Variants in KAZN observed in about 807,000 individuals in gnomAD.
KAZN encodes the protein kazrin.
In KAZN, 40 loss-of-function variants were observed where a neutral mutation model predicts 87.4. The observed-to-expected ratio is 0.46, with a 90% confidence interval of 0.36 to 0.60. The LOEUF is 0.60. Ranked by LOEUF, KAZN falls within the 20% of genes least tolerant of loss-of-function variation. The pLI, the probability that KAZN is intolerant of heterozygous loss-of-function variation, is 0.00. For missense variants in KAZN, 898 were observed against 1,073.9 expected (o/e 0.84, Z 2.29); for synonymous variants, 466 against 458.3 (o/e 1.02, Z -0.22).
At chr1:14,207,249 C>T (rs1276299465) in intron 2 of KAZN, among the ~76,000 whole-genome samples, 1 of 152,164 alleles carries the variant, frequency 6.6e-6, no homozygotes, top group African/African-American at 2.4e-5. Context: ...CAAGTGTGAG[C>T]CACCATGCCT....
chr1:14,627,824 A>G (rs1426453863), intron 1 of KAZN, among the ~76,000 whole-genome samples: 1 of 152,158 alleles, frequency 6.6e-6, no homozygotes, highest in East Asian at 1.9e-4. Flanking sequence ...TTGTGCAAGG[A>G]GCACCCAGTT....
At chr1:14,974,262 A>G (rs574720850) in intron 2 of KAZN, among the ~76,000 whole-genome samples, 1 of 152,180 alleles carries the variant, frequency 6.6e-6, no homozygotes, top group African/African-American at 2.4e-5. Context: ...GTGACAGGCC[A>G]GCCAGACCCC....
At chr1:14,121,456 G>A (rs1232317288) in intron 1 of KAZN, among the ~76,000 whole-genome samples, 1 of 152,158 alleles carries the variant, frequency 6.6e-6, no homozygotes, top group African/African-American at 2.4e-5. Flanking sequence ...ATTATGTAAA[G>A]TATCCACAAT....
intron 2 of KAZN, among the ~76,000 whole-genome samples, chr1:14,986,803 TG>T (rs759665908): frequency 1.3e-5 from 2 of 152,178 alleles, no homozygotes; most frequent in Admixed American, 6.5e-5. Flanking sequence ...GAGGTTGACA[TG>T]GGGGCCATTG....
chr1:14,740,091 TG>T (rs1181430687), intron 1 of KAZN, among the ~76,000 whole-genome samples: 4 of 152,106 alleles, frequency 2.6e-5, no homozygotes. Context: ...GCGGGGTTTT[TG>T]TGGATCAGAC....
At chr1:14,120,277 C>CGGG (rs774429722) in intron 1 of KAZN, among the ~76,000 whole-genome samples, 3 of 151,950 alleles carry the variant, frequency 2.0e-5, no homozygotes, top group Non-Finnish European at 4.4e-5. Context: ...AGCAAGAGGG[C>CGGG]GGGGGGAGGT....
At chr1:14,311,633 G>C (rs1655307507) in intron 2 of KAZN, among the ~76,000 whole-genome samples, 1 of 152,156 alleles carries the variant, frequency 6.6e-6, no homozygotes, top group Admixed American at 6.5e-5. Flanking sequence ...GACTCTGAAA[G>C]ACAGAGGCCT....
At chr1:14,225,304 C>T (rs960435623) in intron 2 of KAZN, among the ~76,000 whole-genome samples, 9 of 151,970 alleles carry the variant, frequency 5.9e-5, no homozygotes, top group African/African-American at 1.9e-4. Context: ...CATAAAATAC[C>T]TAGGAATTCA....
At chr1:14,575,025 G>C (rs1473683440) in intron 2 of KAZN, among the ~76,000 whole-genome samples, 3 of 152,182 alleles carry the variant, frequency 2.0e-5, no homozygotes, top group Non-Finnish European at 4.4e-5. Flanking sequence ...CACATTTGAG[G>C]ATTCTGGTAG....
In KAZN at chr1:14,788,484, C is replaced by T. The variant is rs1008351312; in HGVS notation, c.227-172200C>T. On this transcript the variant is annotated intron_variant, in intron 1 of 14. Coordinates refer to ENST00000376030, the MANE Select transcript of KAZN (RefSeq NM_201628.3). The stretch of plus-strand genomic sequence containing the variant: ...TGGGGAGGCAGCCTTCAAGAATAGT[C>T]TCTGTCCAAGAAGATCGATGCAGCA... Among the ~76,000 whole-genome samples the T allele has an allele frequency of 4.6e-5, 7 of 151,652 alleles. No individual in the cohort carries two copies. The East Asian group carries it at 1.4e-3, about 29-fold the overall frequency.
chr1:14,108,400 A>C (rs1557481797), intron 1 of KAZN, among the ~76,000 whole-genome samples: 1 of 152,214 alleles, frequency 6.6e-6, no homozygotes, highest in South Asian at 2.1e-4. Flanking sequence ...GTCCTGCTCT[A>C]ATTGTGTCCA....
At chr1:14,468,168 T>TA (rs1276231733) in intron 2 of KAZN, among the ~76,000 whole-genome samples, 1 of 152,012 alleles carries the variant, frequency 6.6e-6, no homozygotes, top group African/African-American at 2.4e-5. Flanking sequence ...AAAGTCAAGC[T>TA]AAAAAATCTA....
intron 1 of KAZN, among the ~76,000 whole-genome samples, chr1:13,996,848 G>A (rs1639545033): frequency 6.6e-6 from 1 of 152,058 alleles, no homozygotes; most frequent in Admixed American, 6.5e-5. Flanking sequence ...CTCCGCAAAG[G>A]GACAGTCAAA....
intron 2 of KAZN, among the ~76,000 whole-genome samples, chr1:14,544,081 GGGAA>G (rs1672977674): frequency 6.6e-6 from 1 of 152,096 alleles, no homozygotes; most frequent in South Asian, 2.1e-4. Flanking sequence ...CAAAGTTTAG[GGGAA>G]GGGAGTGCAA....
rs1017395852 is a variant in KAZN at position 14,949,902 on chromosome 1, G to T, written c.227-10782G>T. On this transcript the variant is annotated intron_variant, in intron 1 of 14. Transcript: ENST00000376030. This position sits in a 1 kb window ranked among gnomAD's most constrained non-coding sequence, Gnocchi z 4.3. Reference sequence around the variant, plus strand: ...CTCTGGGCAGCAAGATGGTAGAAGAGGATCCGCTTGGCACTCAGGGCACCG... The same window carrying T: ...CTCTGGGCAGCAAGATGGTAGAAGATGATCCGCTTGGCACTCAGGGCACCG... 6.6e-6 allele frequency among the ~76,000 whole-genome samples: 1 copy of T among 152,050 alleles called. No homozygotes were observed. Among genetic ancestry groups the T allele is most frequent in the Non-Finnish European group, 1.5e-5 (1 of 68,034 alleles).
At chr1:13,908,245 A>G (rs1488474962) in intron 1 of KAZN, among the ~76,000 whole-genome samples, 4 of 152,250 alleles carry the variant, frequency 2.6e-5, no homozygotes, top group Non-Finnish European at 5.9e-5. Flanking sequence ...AGGCAGCATC[A>G]ACACATTGTC....
At chr1:14,832,401 C>T (rs549089442) in intron 1 of KAZN, among the ~76,000 whole-genome samples, 147 of 152,216 alleles carry the variant, frequency 9.7e-4, no homozygotes, top group African/African-American at 3.4e-3. Context: ...TCAGCAGCTT[C>T]GACAGAGAGA....
intron 1 of KAZN, among the ~76,000 whole-genome samples, chr1:14,770,977 G>A (rs903699510): frequency 9.2e-5 from 14 of 152,118 alleles, no homozygotes; most frequent in Non-Finnish European, 1.9e-4. Context: ...CATCCCACAG[G>A]TGTTCCCATG....
intron 1 of KAZN, among the ~76,000 whole-genome samples, chr1:14,152,542 C>T (rs1018352495): frequency 2.0e-5 from 3 of 152,170 alleles, no homozygotes; most frequent in African/African-American, 4.8e-5. Context: ...ATGGCTAACT[C>T]GTACTCCATT....
Sources: gnomAD v4.1 joint callset for allele counts (sites outside exome capture counted in the v4.1 genomes callset) on GRCh38, gnomAD v4.1.1 for gene constraint, Gnocchi (gnomAD v3.1) non-coding constraint, MANE v1.5 for transcripts, NCBI Gene and HGNC (gene_info 2026-07-23, HGNC 2026-07-21) for gene names.